Variants in HECTD2 observed in about 807,000 individuals in gnomAD.
The protein encoded by HECTD2 is HECT domain E3 ubiquitin protein ligase 2, also known as probable E3 ubiquitin-protein ligase HECTD2.
HECTD2 carries 35 observed loss-of-function variants against 103.2 expected under a neutral mutation model. The ratio of observed to expected loss-of-function variants is 0.34; its 90% CI spans 0.26 to 0.45. The LOEUF is 0.45. Ranked by LOEUF, HECTD2 falls within the 20% of genes least tolerant of loss-of-function variation. The probability of loss-of-function intolerance (pLI) is 1.00; values close to 1 mark genes in which losing one functional copy is unlikely to be tolerated. For missense variants in HECTD2, 596 were observed against 937.4 expected (o/e 0.64, Z 4.76); for synonymous variants, 281 against 329.9 (o/e 0.85, Z 1.61).
At chr10:91,477,573 A>G (rs1202597971) in intron 5 of HECTD2, among the ~76,000 whole-genome samples, 1 of 152,194 alleles carries the variant, frequency 6.6e-6, no homozygotes, top group Non-Finnish European at 1.5e-5. Flanking sequence ...ATATGTGTAT[A>G]TGACATAAGA....
At chr10:91,462,391 C>G (rs1397212167) in intron 5 of HECTD2, 1 of 1,167,032 alleles carries the variant, frequency 8.6e-7, no homozygotes, top group East Asian at 3.2e-5. Flanking sequence ...ACTTTTATAT[C>G]CAATCCTTTT....
At chr10:91,506,321 T>C (rs932923875) in intron 20 of HECTD2, among the ~76,000 whole-genome samples, 9 of 151,424 alleles carry the variant, frequency 5.9e-5, no homozygotes, top group South Asian at 4.2e-4. Context: ...TTCAATAAAC[T>C]AATGAATCCA....
intron 6 of HECTD2, among the ~76,000 whole-genome samples, chr10:91,478,797 T>C (rs1392815588): frequency 6.6e-6 from 1 of 151,774 alleles, no homozygotes; most frequent in Non-Finnish European, 1.5e-5. Flanking sequence ...AATACATATT[T>C]AAATTTATAT....
chr10:91,493,963 T>C lies in HECTD2; in HGVS notation c.1521+455T>C, dbSNP rs187457499. Among the ~76,000 whole-genome samples, 217 of 152,160 alleles carry C rather than the reference T, an allele frequency of 1.4e-3. 3 individuals carry two copies. The highest frequency in any genetic ancestry group is 6.8e-3 in the Middle Eastern group (2 of 294). On this transcript the variant is annotated intron_variant, in intron 14 of 20. Transcript: ENST00000298068. The stretch of plus-strand genomic sequence containing the variant: ...AAAGGAAGCATCCATAAAAATTGAA[T>C]GGAATGGGAATATTTAAAGCATATA...
intron 1 of HECTD2, among the ~76,000 whole-genome samples, chr10:91,416,916 GTA>G (rs1173746722): frequency 6.6e-6 from 1 of 152,102 alleles, no homozygotes; most frequent in East Asian, 1.9e-4. Flanking sequence ...TTTGGGGCTG[GTA>G]TATGTCTCAG....
intron 14 of HECTD2, 146 bp from the exon 15 acceptor site, chr10:91,496,068 G>GA (rs1327584382): frequency 1.0e-5 from 5 of 491,036 alleles, no homozygotes; most frequent in Non-Finnish European, 1.8e-5. Flanking sequence ...GGAAATAAAT[G>GA]AAAGAGGGGA....
intron 2 of HECTD2, among the ~76,000 whole-genome samples, chr10:91,457,184 A>C (rs1450690326): frequency 6.6e-6 from 1 of 152,090 alleles, no homozygotes; most frequent in African/African-American, 2.4e-5. Context: ...ACTTTAAAAA[A>C]GGAATATTCA....
chr10:91,410,381 A>C lies in HECTD2; in HGVS notation c.-58A>C. 8.7e-7 allele frequency: 1 copy of C among 1,148,336 alleles called. No homozygotes were observed. Among genetic ancestry groups the C allele is most frequent in the Middle Eastern group, 3.4e-4 (1 of 2,942 alleles). The allele number at this position is 1,148,336 out of a possible 1,614,324, so 71.1% of individuals were successfully genotyped here. ...CGGCCGCGGCGGCAGCAGCAGCGCC[A>C]GCCCCAGCAACACTGAGGCCGCCGC... On this transcript the variant is annotated 5_prime_UTR_variant, in exon 1 of 21. Transcript: ENST00000298068.
intron 13 of HECTD2, 30 bp downstream of exon 13, chr10:91,492,514 G>C (rs760179188): frequency 1.4e-5 from 21 of 1,537,758 alleles, no homozygotes; most frequent in Non-Finnish European, 1.4e-5. Flanking sequence ...TTTATAAACT[G>C]TGTTTCTTCA....
chr10:91,484,076 T>A, intron 8 of HECTD2: 1 of 399,096 alleles, frequency 2.5e-6, no homozygotes, highest in Non-Finnish European at 4.5e-6. Context: ...AAAGAGAGAG[T>A]ATTGAGCTAA....
At chr10:91,452,027 A>G (rs1844856414) in intron 2 of HECTD2, among the ~76,000 whole-genome samples, 1 of 152,190 alleles carries the variant, frequency 6.6e-6, no homozygotes, top group Non-Finnish European at 1.5e-5. Context: ...AGATGAGCTC[A>G]ACAACAGAAT....
At chr10:91,507,649 A>T (rs1219666997) in intron 20 of HECTD2, among the ~76,000 whole-genome samples, 1 of 148,638 alleles carries the variant, frequency 6.7e-6, no homozygotes, top group East Asian at 2.0e-4. Context: ...AGAACATTCC[A>T]TGCTCATGGG....
rs1450125499 is a variant in HECTD2 at position 91,500,676 on chromosome 10, G to C, written c.2066+59G>C. ...TGGAGAGGGAACAGCAGACAGTGTG[G>C]TTCATTTATTTGCATAACTTACAAT... is the stretch of plus-strand genomic sequence containing the variant. On this transcript the variant is annotated intron_variant, in intron 19 of 20. Coordinates refer to ENST00000298068, the MANE Select transcript of HECTD2 (RefSeq NM_182765.6). The C allele has an allele frequency of 1.2e-5, 10 of 819,730 alleles. No individual in the cohort carries two copies. In the African/African-American group the frequency reaches 1.5e-4, roughly 12 times the overall value. 50.8% of individuals were successfully genotyped at this position (819,730 alleles called of 1,614,324 possible).
At chr10:91,489,985 T>C (rs983385643) in intron 11 of HECTD2, 2 of 152,204 alleles carry the variant, frequency 1.3e-5, no homozygotes, top group Non-Finnish European at 2.9e-5. Flanking sequence ...TATATAAGCC[T>C]GTGGATTTTA....
At chr10:91,508,814 C>T (rs1035410030) in intron 20 of HECTD2, among the ~76,000 whole-genome samples, 6 of 152,004 alleles carry the variant, frequency 3.9e-5, no homozygotes, top group Non-Finnish European at 5.9e-5. Context: ...GCTATAAAGA[C>T]ACAGGCACAC....
intron 2 of HECTD2, among the ~76,000 whole-genome samples, chr10:91,431,742 G>C (rs1457663026): frequency 6.6e-6 from 1 of 151,826 alleles, no homozygotes; most frequent in Admixed American, 6.6e-5. Flanking sequence ...AGCTCCTTTA[G>C]GCACTTCTGT....
intron 5 of HECTD2, among the ~76,000 whole-genome samples, chr10:91,468,258 C>G (rs975082218): frequency 3.3e-5 from 5 of 152,124 alleles, no homozygotes; most frequent in African/African-American, 1.2e-4. Context: ...GTACCAGCAC[C>G]CCCCAGAGTT....
chr10:91,509,040 C>T lies in HECTD2; in HGVS notation c.2211-3224C>T, dbSNP rs968394093. 9.4e-5 allele frequency among the ~76,000 whole-genome samples: 14 copies of T among 148,274 alleles called. No homozygotes were observed. In the South Asian group the frequency reaches 1.9e-3, roughly 20 times the overall value. ...ATCGCAATAACAAAAAACCAAACAC[C>T]GCATATTCTCACTCATAGGTGGGAA... On this transcript the variant is annotated intron_variant, in intron 20 of 20. Transcript: ENST00000298068.
chr10:91,429,087 AG>A (rs1417825567), intron 2 of HECTD2, among the ~76,000 whole-genome samples: 2 of 152,012 alleles, frequency 1.3e-5, no homozygotes, highest in South Asian at 2.1e-4. Flanking sequence ...TTTAGCATGA[AG>A]GGTTGTTGAA....
Sources: gnomAD v4.1 joint callset for allele counts (sites outside exome capture counted in the v4.1 genomes callset) on GRCh38, gnomAD v4.1.1 for gene constraint, MANE v1.5 for transcripts, NCBI Gene and HGNC (gene_info 2026-07-23, HGNC 2026-07-21) for gene names.